The following SLC4A7 variants were observed in gnomAD, a reference collection of about 807,000 sequenced individuals.
SLC4A7 encodes the protein solute carrier family 4 member 7, also known as sodium bicarbonate cotransporter 3.
A neutral mutation model predicts 137.6 loss-of-function variants in SLC4A7; 51 were observed. The ratio of observed to expected loss-of-function variants is 0.37; its 90% CI spans 0.30 to 0.47. The LOEUF (loss-of-function observed/expected upper bound fraction) is 0.47. SLC4A7 is among the 20% of genes least tolerant of loss of function. The pLI is 1.00. For synonymous variants in SLC4A7, 542 were observed against 518.6 expected (o/e 1.05, Z -0.61); for missense variants, 1,247 against 1,525.4 (o/e 0.82, Z 3.04).
At chr3:27,463,173 A>G (rs1358513422) in intron 1 of SLC4A7, among the ~76,000 whole-genome samples, 1 of 152,218 alleles carries the variant, frequency 6.6e-6, no homozygotes, top group African/African-American at 2.4e-5. Context: ...CACGCCTGTA[A>G]TCCCAGCACT....
intron 3 of SLC4A7, among the ~76,000 whole-genome samples, chr3:27,440,128 A>T (rs189564229): frequency 6.6e-6 from 1 of 152,292 alleles, no homozygotes; most frequent in African/African-American, 2.4e-5. Context: ...ATTAAATAAC[A>T]CAAATTTATT....
At chr3:27,396,216 A>G (rs1263203196) in intron 18 of SLC4A7, among the ~76,000 whole-genome samples, 3 of 152,238 alleles carry the variant, frequency 2.0e-5, no homozygotes, top group Admixed American at 1.3e-4. Context: ...AATATATATT[A>G]AACTACCTCA....
chr3:27,399,109 A>G (rs1368361516), intron 16 of SLC4A7, among the ~76,000 whole-genome samples: 1 of 152,152 alleles, frequency 6.6e-6, no homozygotes, highest in Non-Finnish European at 1.5e-5. Context: ...TCATTTTAAC[A>G]AAACAAGTCA....
intron 12 of SLC4A7, 88 bp downstream of exon 12, chr3:27,411,554 A>C: frequency 1.8e-6 from 1 of 568,482 alleles, no homozygotes; most frequent in Non-Finnish European, 2.8e-6. Flanking sequence ...GTACAAGATT[A>C]GGTTCCAAAC....
At chr3:27,440,800 T>C (rs1218201501) in intron 3 of SLC4A7, among the ~76,000 whole-genome samples, 1 of 151,992 alleles carries the variant, frequency 6.6e-6, no homozygotes, top group African/African-American at 2.4e-5. Flanking sequence ...TCCCAGCCAC[T>C]TTGGGAGGCC....
chr3:27,393,514 C>A (rs944524679), intron 20 of SLC4A7, among the ~76,000 whole-genome samples: 1 of 152,050 alleles, frequency 6.6e-6, no homozygotes, highest in Non-Finnish European at 1.5e-5. Flanking sequence ...AAAGGGGAAC[C>A]TGCATATACA....
intron 15 of SLC4A7, 144 bp downstream of exon 15, chr3:27,402,995 T>C: frequency 1.4e-6 from 1 of 700,606 alleles, no homozygotes; most frequent in Admixed American, 3.4e-5. Flanking sequence ...AAATCTCATC[T>C]GAAACAACCA....
At chr3:27,469,961 AT>A (rs1363531589) in intron 1 of SLC4A7, among the ~76,000 whole-genome samples, 1 of 152,226 alleles carries the variant, frequency 6.6e-6, no homozygotes, top group Non-Finnish European at 1.5e-5. Flanking sequence ...ATCCTAAAAA[AT>A]AAATACTTGC....
At chr3:27,435,772 C>T (rs1319697239) in intron 5 of SLC4A7, among the ~76,000 whole-genome samples, 2 of 152,082 alleles carry the variant, frequency 1.3e-5, no homozygotes, top group East Asian at 1.9e-4. Flanking sequence ...GCCCAGGAGA[C>T]GGAGACTGCA....
At chr3:27,379,130 A>C in intron 25 of SLC4A7, 119 bp downstream of exon 25, 1 of 612,702 alleles carries the variant, frequency 1.6e-6, no homozygotes, top group East Asian at 2.8e-5. Flanking sequence ...CATAATTATT[A>C]TTTATACCTT....
rs746878652 is a variant in SLC4A7, at chr3:27,421,747, C to T, written c.1299G>A (p.Thr433=). Residue 433 remains threonine (T), a synonymous_variant, in exon 9 of 26, where the codon ACG becomes ACA. Transcript: ENST00000454389. ...CCAGGACGTTGGATGCCTCAGCACCCGTAGGAATTTTTCTCATGAAATTCA... is the reference window on the plus strand; with the variant it reads ...CCAGGACGTTGGATGCCTCAGCACCTGTAGGAATTTTTCTCATGAAATTCA... The part of the protein sequence containing the change: ...VDMNFMRKIP[T]GAEASNVLVG... The T allele has an allele frequency of 3.1e-6, 5 of 1,612,610 alleles. No homozygotes were observed. Among genetic ancestry groups the T allele is most frequent in the Non-Finnish European group, 4.2e-6 (5 of 1,179,206 alleles).
intron 21 of SLC4A7, chr3:27,390,350 G>A (rs1386682765): frequency 2.8e-6 from 1 of 357,752 alleles, no homozygotes; most frequent in Non-Finnish European, 5.0e-6. Flanking sequence ...GAAAACTCAA[G>A]CCAAAATGTT....
intron 11 of SLC4A7, among the ~76,000 whole-genome samples, chr3:27,413,976 AG>A (rs372944138): frequency 2.0e-3 from 309 of 152,316 alleles, no homozygotes; most frequent in Middle Eastern, 6.8e-3. Context: ...GGATGGTAGC[AG>A]GATTAAAAAT....
chr3:27,384,130 T>A (rs982569231), intron 23 of SLC4A7, among the ~76,000 whole-genome samples: 2 of 152,068 alleles, frequency 1.3e-5, no homozygotes, highest in African/African-American at 4.8e-5. Flanking sequence ...TTAATAGAAA[T>A]TTGACTATTT....
chr3:27,461,902 T>A (rs1172019002), intron 1 of SLC4A7, among the ~76,000 whole-genome samples: 1 of 151,836 alleles, frequency 6.6e-6, no homozygotes, highest in East Asian at 1.9e-4. Flanking sequence ...GCAGAGACTG[T>A]AGTGACCCAA....
At chr3:27,399,138 T>C (rs1576205181) in intron 16 of SLC4A7, among the ~76,000 whole-genome samples, 1 of 151,964 alleles carries the variant, frequency 6.6e-6, no homozygotes, top group Non-Finnish European at 1.5e-5. Context: ...CAAAGAAAAA[T>C]AGTTAAATGT....
At chr3:27,432,298 GAT>G (rs2056377751) in intron 6 of SLC4A7, among the ~76,000 whole-genome samples, 1 of 152,020 alleles carries the variant, frequency 6.6e-6, no homozygotes, top group South Asian at 2.1e-4. Flanking sequence ...AATTTTAAAG[GAT>G]ACATATTCTT....
intron 1 of SLC4A7, among the ~76,000 whole-genome samples, chr3:27,473,908 A>G (rs2150720897): frequency 6.6e-6 from 1 of 152,218 alleles, no homozygotes; most frequent in African/African-American, 2.4e-5. Context: ...TTACCCAATA[A>G]AATTCATGGT....
chr3:27,432,856 G>T, intron 6 of SLC4A7, among the ~76,000 whole-genome samples: 1 of 152,126 alleles, frequency 6.6e-6, no homozygotes, highest in East Asian at 1.9e-4. Flanking sequence ...CCAAAGGAGA[G>T]AATATAAACA....
Sources: allele counts gnomAD v4.1 joint callset (sites outside exome capture counted in the v4.1 genomes callset), GRCh38; gene constraint gnomAD v4.1.1; transcripts MANE v1.5; gene names NCBI Gene and HGNC (gene_info 2026-07-23, HGNC 2026-07-21).